Variants in RARB observed in about 807,000 individuals in gnomAD.
The protein encoded by RARB is HBV-activated protein.
A neutral mutation model predicts 51.9 loss-of-function variants in RARB; 17 were observed. The observed-to-expected ratio is 0.33, with a 90% CI of 0.22 to 0.49. RARB has a LOEUF of 0.49. Ranked by LOEUF, RARB falls within the 20% of genes least tolerant of loss-of-function variation. RARB has a pLI of 0.99. For synonymous variants in RARB, 215 were observed against 195.4 expected, an observed-to-expected ratio of 1.10 and a Z score of -0.84; for missense variants, 369 against 550.8, an observed-to-expected ratio of 0.67 and a Z score of 3.30.
chr3:24,894,169 G>C (rs1703437255), intron 2 of RARB, among the ~76,000 whole-genome samples: 1 of 152,006 alleles, frequency 6.6e-6, no homozygotes, highest in Non-Finnish European at 1.5e-5. Context: ...GTTTACCTGG[G>C]TATATTGCAT....
intron 3 of RARB, among the ~76,000 whole-genome samples, chr3:25,560,289 A>G (rs541966581): frequency 1.3e-5 from 2 of 152,338 alleles, no homozygotes; most frequent in East Asian, 1.9e-4. Flanking sequence ...ACTATGTGAT[A>G]TAAACACCTA....
intron 5 of RARB, among the ~76,000 whole-genome samples, chr3:25,369,373 C>T (rs182355090): frequency 2.6e-5 from 4 of 152,178 alleles, no homozygotes; most frequent in Admixed American, 1.3e-4. Context: ...TACCATGTGC[C>T]AGGCACTATT....
intron 2 of RARB, among the ~76,000 whole-genome samples, chr3:24,920,486 G>A (rs1025799389): frequency 6.6e-6 from 1 of 152,166 alleles, no homozygotes; most frequent in Non-Finnish European, 1.5e-5. Flanking sequence ...AGCTTCAGCT[G>A]TTAATTTTGT....
At chr3:25,531,107 T>C (rs989856247) in intron 3 of RARB, among the ~76,000 whole-genome samples, 6 of 152,184 alleles carry the variant, frequency 3.9e-5, no homozygotes, top group African/African-American at 1.4e-4. Context: ...TTAGTTATTC[T>C]GTGTGCAAGT....
At chr3:25,060,448 A>G (rs946438568) in intron 3 of RARB, among the ~76,000 whole-genome samples, 3 of 151,834 alleles carry the variant, frequency 2.0e-5, no homozygotes, top group South Asian at 2.1e-4. Context: ...GTTGCAAACT[A>G]TAAGGGGCCA....
At position 24,899,626 on chromosome 3, in the gene RARB, G is replaced by A. The variant is rs538924321; in HGVS notation, c.-380+40874G>A. ...CCAAGGATAAATTCCAGACTAATAA[G>A]CTGGGTAGTGTTCTCCCCTGATGAA... is the stretch of plus-strand genomic sequence containing the variant. On this transcript the variant is annotated intron_variant, in intron 2 of 11. Transcript: ENST00000383772. Among the ~76,000 whole-genome samples, 41 of 152,154 alleles carry A rather than the reference G, an allele frequency of 2.7e-4. No homozygotes were observed. The South Asian group carries it at 8.5e-3, about 32-fold the overall frequency.
chr3:25,119,966 T>C (rs1001045868), intron 3 of RARB, among the ~76,000 whole-genome samples: 2 of 152,076 alleles, frequency 1.3e-5, no homozygotes, highest in Non-Finnish European at 2.9e-5. Context: ...TTGATGGATA[T>C]AGAGCACAAG....
At chr3:25,516,814 A>G (rs1282281122) in intron 3 of RARB, among the ~76,000 whole-genome samples, 1 of 152,134 alleles carries the variant, frequency 6.6e-6, no homozygotes, top group Non-Finnish European at 1.5e-5. Context: ...TTTAGCAGAA[A>G]TAGGGTTTTG....
At position 25,341,486 on chromosome 3, in the gene RARB, C is replaced by G. The variant is rs548698600; in HGVS notation, c.179-119707C>G. ...AGACTTCCTAGAAGAGGTTTTAAAG[C>G]TCTTTGAATAAAGCAAGAGGGCTTA... On this transcript the variant is annotated intron_variant, in intron 5 of 11. Coordinates refer to the RARB transcript ENST00000383772. Among the ~76,000 whole-genome samples, 8 of 152,186 alleles carry G rather than the reference C, an allele frequency of 5.3e-5. No individual in the cohort carries two copies. In the South Asian group the frequency reaches 1.7e-3, roughly 32 times the overall value.
chr3:24,918,751 C>T (rs977302602), intron 2 of RARB, among the ~76,000 whole-genome samples: 6 of 152,024 alleles, frequency 3.9e-5, no homozygotes, highest in Admixed American at 1.3e-4. Flanking sequence ...ATTAGCTGGT[C>T]GTGGTGGCGG....
intron 2 of RARB, among the ~76,000 whole-genome samples, chr3:25,482,447 C>T (rs952516925): frequency 6.6e-6 from 1 of 151,156 alleles, no homozygotes; most frequent in African/African-American, 2.4e-5. Context: ...CCCAGTAGAC[C>T]AGCACTGTTC....
chr3:24,907,480 T>A (rs1236462412), intron 2 of RARB, among the ~76,000 whole-genome samples: 1 of 152,162 alleles, frequency 6.6e-6, no homozygotes, highest in African/African-American at 2.4e-5. Context: ...AAGGAATTAT[T>A]AGGTGTATTA....
chr3:25,141,591 A>G (rs1193974224), intron 4 of RARB, among the ~76,000 whole-genome samples: 5 of 152,198 alleles, frequency 3.3e-5, no homozygotes, highest in Admixed American at 3.3e-4. Context: ...TGAAAGGGCT[A>G]TCATTTCAAT....
intron 5 of RARB, among the ~76,000 whole-genome samples, chr3:25,359,791 G>C (rs1327705630): frequency 6.6e-6 from 1 of 152,178 alleles, no homozygotes; most frequent in African/African-American, 2.4e-5. Flanking sequence ...GGTTTTGAGT[G>C]AGTTTCTTAA....
At chr3:25,238,142 C>T (rs1575244908) in intron 5 of RARB, among the ~76,000 whole-genome samples, 1 of 148,362 alleles carries the variant, frequency 6.7e-6, no homozygotes, top group East Asian at 2.0e-4. Flanking sequence ...CTGTCTTCAT[C>T]CTCCAGCGCC....
intron 3 of RARB, among the ~76,000 whole-genome samples, chr3:25,531,389 TA>T (rs1698904594): frequency 3.7e-5 from 1 of 26,964 alleles, no homozygotes; most frequent in Non-Finnish European, 5.5e-5. Flanking sequence ...GATAGATAGG[TA>T]GATAGATAGA....
intron 3 of RARB, among the ~76,000 whole-genome samples, chr3:25,552,570 C>T (rs1575512145): frequency 6.6e-6 from 1 of 152,128 alleles, no homozygotes; most frequent in East Asian, 1.9e-4. Flanking sequence ...TTGCATATAT[C>T]TAGATCAAGT....
At chr3:24,927,447 G>A (rs1246284923) in intron 2 of RARB, among the ~76,000 whole-genome samples, 5 of 152,090 alleles carry the variant, frequency 3.3e-5, no homozygotes, top group Non-Finnish European at 7.4e-5. Context: ...GCAATGGAAT[G>A]CAGTTACCAA....
rs1464085590 is a variant in RARB, at chr3:25,251,705, G to A, written c.178+77130G>A. ...AATACTTAGCCCATTTTTTAATTGG[G>A]GTATTTGTCTTTTTGTTGCTGAGTT... is the stretch of plus-strand genomic sequence containing the variant. On this transcript the variant is annotated intron_variant, in intron 5 of 11. Transcript: ENST00000383772. 2.0e-5 allele frequency among the ~76,000 whole-genome samples: 3 copies of A among 151,686 alleles called. No individual in the cohort carries two copies. In the East Asian group the frequency reaches 5.8e-4, roughly 29 times the overall value.
Sources: gnomAD v4.1 joint callset for allele counts (sites outside exome capture counted in the v4.1 genomes callset) on GRCh38, gnomAD v4.1.1 for gene constraint, MANE v1.5 for transcripts, NCBI Gene and HGNC (gene_info 2026-07-23, HGNC 2026-07-21) for gene names.